The following SNX2 variants were observed in gnomAD, a reference collection of about 807,000 sequenced individuals.
SNX2 encodes the protein sorting nexin-2.
SNX2 carries 25 observed loss-of-function variants against 69.9 expected under a neutral mutation model. That is an observed-to-expected ratio of 0.36 (90% CI 0.26 to 0.50). The LOEUF is 0.50. Among genes scored for constraint, SNX2 ranks in the 20% least tolerant of loss-of-function variants. The probability of loss-of-function intolerance (pLI) is 0.97; values close to 1 mark genes in which losing one functional copy is unlikely to be tolerated. For missense variants in SNX2, 551 were observed against 613.3 expected, an observed-to-expected ratio of 0.90 and a Z score of 1.07; for synonymous variants, 229 against 200.4, an observed-to-expected ratio of 1.14 and a Z score of -1.20.
Position 122,827,565 on chromosome 5 carries a change from A to G in SNX2, c.1438-10A>G, listed in dbSNP as rs1297742825. The G allele has an allele frequency of 1.4e-5, 23 of 1,611,340 alleles. No homozygotes were observed. The highest frequency in any genetic ancestry group is 1.9e-5 in the Non-Finnish European group (22 of 1,177,904). The stretch of plus-strand genomic sequence containing the variant: ...TCTACTAACGGACTTTTTAAAATGT[A>G]CTTCAACAGAAAGAACGAGTGAAGG... On this transcript the variant is annotated splice_polypyrimidine_tract_variant and intron_variant, in intron 13 of 14. Transcript: ENST00000379516.
Position 122,776,668 on chromosome 5 carries a change from A to G in SNX2, c.108+1457A>G, listed in dbSNP as rs556366259. 5.9e-5 allele frequency among the ~76,000 whole-genome samples: 9 copies of G among 152,272 alleles called. No individual in the cohort carries two copies. The South Asian group carries it at 1.0e-3, about 18-fold the overall frequency. ...TACATGTGTTGAAAGTGTCTGCAGG[A>G]TCCTAAGACCTGTATTCCTTTTGGA... On this transcript the variant is annotated intron_variant, in intron 1 of 14. Transcript: ENST00000379516.
chr5:122,834,523 G>C lies in SNX2; in HGVS notation c.*4875G>C, dbSNP rs1754367277. 1 of 152,138 alleles carries C rather than the reference G, an allele frequency of 6.6e-6. No homozygotes were observed. Among genetic ancestry groups the C allele is most frequent in the South Asian group, 2.1e-4 (1 of 4,832 alleles). 9.4% of individuals were successfully genotyped at this position (152,138 alleles called of 1,614,324 possible). ...TACATGTAACTTTAATAAAAACTAA[G>C]TCAGACAAAATTTAACAAAACTAAA... On this transcript the variant is annotated 3_prime_UTR_variant, in exon 15 of 15. Transcript: ENST00000379516.
chr5:122,792,425 C>T (rs1017816477), intron 1 of SNX2, among the ~76,000 whole-genome samples: 3 of 152,108 alleles, frequency 2.0e-5, no homozygotes, highest in Admixed American at 1.3e-4. Flanking sequence ...GAAACCCCTT[C>T]TCTACTAAAA....
At chr5:122,810,604 T>A (rs1449258283) in intron 7 of SNX2, among the ~76,000 whole-genome samples, 2 of 152,142 alleles carry the variant, frequency 1.3e-5, no homozygotes, top group Non-Finnish European at 2.9e-5. Flanking sequence ...AATTTGATTC[T>A]ACCTTTACGT....
At chr5:122,783,340 A>G (rs1459315895) in intron 1 of SNX2, among the ~76,000 whole-genome samples, 1 of 152,102 alleles carries the variant, frequency 6.6e-6, no homozygotes. Context: ...TTTTTTATTG[A>G]TAGTATTTTA....
Position 122,780,158 on chromosome 5 carries a change from G to C in SNX2, c.108+4947G>C, listed in dbSNP as rs564781358. On this transcript the variant is annotated intron_variant, in intron 1 of 14. Coordinates refer to ENST00000379516, the MANE Select transcript of SNX2 (RefSeq NM_003100.4). ...AGCTAGGACTGCTGGATGGGCTAGA[G>C]ATGTAGCTTTGGGAGTCTATCTTAA... 2.1e-4 allele frequency among the ~76,000 whole-genome samples: 32 copies of C among 152,314 alleles called. No individual in the cohort carries two copies. The South Asian group carries it at 6.4e-3, about 31-fold the overall frequency.
At chr5:122,810,143 A>G (rs1006761502) in intron 7 of SNX2, among the ~76,000 whole-genome samples, 4 of 150,622 alleles carry the variant, frequency 2.7e-5, no homozygotes, top group African/African-American at 9.8e-5. Context: ...GTGTCCACTC[A>G]GGGTTAAATG....
chr5:122,820,831 T>G (rs1754008295), intron 11 of SNX2, among the ~76,000 whole-genome samples: 1 of 152,216 alleles, frequency 6.6e-6, no homozygotes, highest in African/African-American at 2.4e-5. Context: ...AGCTCAGAAC[T>G]GGTTAGGAGT....
In SNX2 at chr5:122,826,037, C is replaced by A; in HGVS notation, c.1213-13C>A. ...TTACTCTTACTTAATAGCATTATGTCATTCACTTATAGGGTGTGTTTGACC... is the reference window on the plus strand; with the variant it reads ...TTACTCTTACTTAATAGCATTATGTAATTCACTTATAGGGTGTGTTTGACC... On this transcript the variant is annotated splice_polypyrimidine_tract_variant and intron_variant, in intron 11 of 14. Coordinates refer to ENST00000379516, the MANE Select transcript of SNX2 (RefSeq NM_003100.4). The A allele has an allele frequency of 6.2e-7, 1 of 1,608,230 alleles. No individual in the cohort carries two copies. The highest frequency in any genetic ancestry group is 1.1e-5 in the South Asian group (1 of 90,230).
intron 14 of SNX2, among the ~76,000 whole-genome samples, 161 bp from the exon 15 acceptor site, chr5:122,829,437 T>C (rs1173264335): frequency 6.6e-6 from 1 of 152,008 alleles, no homozygotes; most frequent in Non-Finnish European, 1.5e-5. Flanking sequence ...ACTCCTGACA[T>C]CAGGTGATCC....
intron 1 of SNX2, among the ~76,000 whole-genome samples, chr5:122,794,311 A>C (rs1164894143): frequency 2.1e-5 from 3 of 145,670 alleles, no homozygotes; most frequent in Non-Finnish European, 4.5e-5. Flanking sequence ...ACTGTGTCTC[A>C]AAACAAACAA....
intron 11 of SNX2, among the ~76,000 whole-genome samples, chr5:122,823,784 G>C (rs1680351121): frequency 1.9e-5 from 1 of 51,856 alleles, no homozygotes; most frequent in African/African-American, 1.0e-4. Flanking sequence ...GTGGTCGTGT[G>C]TGTGTGTGTG....
intron 1 of SNX2, among the ~76,000 whole-genome samples, chr5:122,789,523 G>A (rs1376848680): frequency 6.6e-6 from 1 of 150,706 alleles, no homozygotes; most frequent in Non-Finnish European, 1.5e-5. Flanking sequence ...TAGCCCGAAA[G>A]ATGAGGTTTC....
At chr5:122,827,765 G>C (rs1167734637) in intron 14 of SNX2, 119 bp downstream of exon 14, 1 of 695,252 alleles carries the variant, frequency 1.4e-6, no homozygotes, top group East Asian at 2.7e-5. Flanking sequence ...ATGGAAGACA[G>C]AAAGCCAGTG....
intron 1 of SNX2, among the ~76,000 whole-genome samples, chr5:122,778,774 C>G (rs1752908019): frequency 1.3e-5 from 2 of 151,996 alleles, no homozygotes; most frequent in Admixed American, 6.6e-5. Flanking sequence ...GAATTTTTTT[C>G]TTATGTGTAT....
intron 14 of SNX2, among the ~76,000 whole-genome samples, chr5:122,828,203 T>C (rs1561480155): frequency 6.6e-6 from 1 of 152,124 alleles, no homozygotes; most frequent in Non-Finnish European, 1.5e-5. Flanking sequence ...GAGTAACAGG[T>C]CAAGTAATTT....
chr5:122,784,249 C>A (rs1238707492), intron 1 of SNX2, among the ~76,000 whole-genome samples: 3 of 149,968 alleles, frequency 2.0e-5, no homozygotes, highest in South Asian at 4.2e-4. Flanking sequence ...CTGGGTAGGA[C>A]CACCAGTATA....
At position 122,830,823 on chromosome 5, in the gene SNX2, A is replaced by G. The variant is rs1754269073; in HGVS notation, c.*1175A>G. On this transcript the variant is annotated 3_prime_UTR_variant, in exon 15 of 15. Transcript: ENST00000379516. ...CAGGAGTTCAAGACTAGCCTGGCCA[A>G]CATGGTAAAACTCCATCTCTACTAA... Among the ~76,000 whole-genome samples the G allele has an allele frequency of 6.6e-6, 1 of 152,090 alleles. No individual in the cohort carries two copies. Among genetic ancestry groups the G allele is most frequent in the South Asian group, 2.1e-4 (1 of 4,820 alleles).
intron 14 of SNX2, among the ~76,000 whole-genome samples, chr5:122,828,437 T>A (rs1737105192): frequency 6.6e-6 from 1 of 152,190 alleles, no homozygotes; most frequent in East Asian, 1.9e-4. Flanking sequence ...TCAGTTGATA[T>A]TTCAGTCTGT....
Sources: allele counts gnomAD v4.1 joint callset (sites outside exome capture counted in the v4.1 genomes callset), GRCh38; gene constraint gnomAD v4.1.1; transcripts MANE v1.5; gene names NCBI Gene and HGNC (gene_info 2026-07-23, HGNC 2026-07-21).